The following ATRNL1 variants were observed in gnomAD, a reference collection of about 807,000 sequenced individuals.
ATRNL1 encodes the protein attractin like 1.
Under a neutral mutation model 182.7 loss-of-function variants are expected in ATRNL1, and 95 were observed. That is an observed-to-expected ratio of 0.52 (90% CI 0.44 to 0.62). The LOEUF (loss-of-function observed/expected upper bound fraction) is 0.62. Among genes scored for constraint, ATRNL1 ranks in the 20% least tolerant of loss-of-function variants. ATRNL1 has a pLI of 0.00. For synonymous variants in ATRNL1, 576 were observed against 568.3 expected (o/e 1.01, Z -0.19); for missense variants, 1,471 against 1,679.5 (o/e 0.88, Z 2.17).
chr10:115,826,317 G>A (rs2134297518), intron 27 of ATRNL1, among the ~76,000 whole-genome samples: 1 of 152,284 alleles, frequency 6.6e-6, no homozygotes, highest in Middle Eastern at 3.4e-3. Context: ...GTGGTACCCA[G>A]TGGCTTCCCT....
chr10:115,470,927 A>G (rs1324538331), intron 24 of ATRNL1, among the ~76,000 whole-genome samples: 1 of 150,742 alleles, frequency 6.6e-6, no homozygotes, highest in African/African-American at 2.4e-5. Flanking sequence ...ATAATATTAT[A>G]CAAAACACAG....
intron 25 of ATRNL1, among the ~76,000 whole-genome samples, chr10:115,523,609 GAC>G (rs1387823253): frequency 6.6e-6 from 1 of 152,160 alleles, no homozygotes; most frequent in African/African-American, 2.4e-5. Context: ...GCTTGTCATG[GAC>G]ACAATGTAGC....
At chr10:115,220,360 G>GT (rs1329819075) in intron 9 of ATRNL1, 1 of 152,072 alleles carries the variant, frequency 6.6e-6, no homozygotes, top group African/African-American at 2.4e-5. Context: ...CCAAAGGCTT[G>GT]TTTTTTAATG....
chr10:115,918,891 G>A (rs915640596), intron 28 of ATRNL1, among the ~76,000 whole-genome samples: 7 of 152,208 alleles, frequency 4.6e-5, no homozygotes, highest in African/African-American at 1.7e-4. Context: ...CTGATCTGCA[G>A]TGGGAATCTG....
rs540131413 is a variant in ATRNL1 at position 115,816,728 on chromosome 10, A to G, written c.3904-31149A>G. Among the ~76,000 whole-genome samples the G allele has an allele frequency of 2.6e-5, 4 of 152,144 alleles. No homozygotes were observed. The East Asian group carries it at 5.8e-4, about 22-fold the overall frequency. Reference sequence around the variant, plus strand: ...TCCTATTTTTTAGCAGAACCACCTTATAAGATGTTAAGGTGTTTCTTCACG... The same window carrying G: ...TCCTATTTTTTAGCAGAACCACCTTGTAAGATGTTAAGGTGTTTCTTCACG... On this transcript the variant is annotated intron_variant, in intron 27 of 28. Transcript: ENST00000355044.
At chr10:115,616,691 A>C (rs1857444832) in intron 26 of ATRNL1, among the ~76,000 whole-genome samples, 1 of 152,196 alleles carries the variant, frequency 6.6e-6, no homozygotes, top group African/African-American at 2.4e-5. Flanking sequence ...CCAAGGCCAA[A>C]AGGACCGAGG....
intron 8 of ATRNL1, among the ~76,000 whole-genome samples, chr10:115,206,432 TTTAA>T: frequency 3.3e-5 from 5 of 152,242 alleles, no homozygotes; most frequent in Admixed American, 3.3e-4. Context: ...ACATTCTACC[TTTAA>T]TTATGTTATA....
intron 19 of ATRNL1, among the ~76,000 whole-genome samples, chr10:115,365,288 A>G (rs1165932295): frequency 6.6e-6 from 1 of 151,718 alleles, no homozygotes; most frequent in Non-Finnish European, 1.5e-5. Context: ...TTTCTTCTAG[A>G]TTTTCTAGTT....
chr10:115,372,987 T>G (rs537266668), intron 19 of ATRNL1, among the ~76,000 whole-genome samples: 1 of 152,170 alleles, frequency 6.6e-6, no homozygotes, highest in Non-Finnish European at 1.5e-5. Context: ...AAATGAATTC[T>G]TTTAGTCCAT....
intron 28 of ATRNL1, among the ~76,000 whole-genome samples, chr10:115,850,980 C>T (rs1163447629): frequency 6.6e-6 from 1 of 152,140 alleles, no homozygotes; most frequent in East Asian, 1.9e-4. Flanking sequence ...CTATTTATTT[C>T]TCCAAATGTT....
At chr10:115,524,232 A>G (rs546697390) in intron 25 of ATRNL1, among the ~76,000 whole-genome samples, 28 of 152,300 alleles carry the variant, frequency 1.8e-4, no homozygotes, top group African/African-American at 6.3e-4. Context: ...CACCTCTAAC[A>G]TTGAGTATCA....
intron 26 of ATRNL1, among the ~76,000 whole-genome samples, chr10:115,707,263 ATTC>A (rs1361736720): frequency 3.3e-5 from 5 of 151,924 alleles, no homozygotes; most frequent in African/African-American, 9.6e-5. Context: ...AACAGCTAAT[ATTC>A]TTCTTCTTTC....
At chr10:115,335,377 A>G (rs948524778) in intron 19 of ATRNL1, among the ~76,000 whole-genome samples, 1 of 152,178 alleles carries the variant, frequency 6.6e-6, no homozygotes, top group Non-Finnish European at 1.5e-5. Flanking sequence ...CACTAGCTGC[A>G]TATTAGAACC....
At chr10:115,258,787 C>T (rs1851269656) in intron 10 of ATRNL1, among the ~76,000 whole-genome samples, 1 of 152,160 alleles carries the variant, frequency 6.6e-6, no homozygotes. Flanking sequence ...TGGTGACCTA[C>T]AGATGGGGTT....
At chr10:115,412,910 C>A (rs1279431722) in intron 20 of ATRNL1, among the ~76,000 whole-genome samples, 2 of 152,006 alleles carry the variant, frequency 1.3e-5, no homozygotes, top group Non-Finnish European at 2.9e-5. Flanking sequence ...ATAGTTAGAT[C>A]CTCCATTCTG....
intron 21 of ATRNL1, 92 bp from the exon 22 acceptor site, chr10:115,461,849 A>T (rs943590465): frequency 1.5e-5 from 8 of 541,586 alleles, no homozygotes; most frequent in Non-Finnish European, 2.5e-5. Context: ...ATCATTTTTA[A>T]TATCAGTGTA....
At chr10:115,311,415 C>G (rs1401098126) in intron 17 of ATRNL1, among the ~76,000 whole-genome samples, 1 of 152,122 alleles carries the variant, frequency 6.6e-6, no homozygotes, top group East Asian at 1.9e-4. Context: ...TCTCAAACTC[C>G]TGACCTCATG....
At chr10:115,226,647 C>T (rs1355495021) in intron 9 of ATRNL1, among the ~76,000 whole-genome samples, 1 of 151,816 alleles carries the variant, frequency 6.6e-6, no homozygotes, top group East Asian at 1.9e-4. Flanking sequence ...AAGAACAAAG[C>T]TGGAGGTATC....
At chr10:115,134,340 A>T (rs188671674) in intron 5 of ATRNL1, among the ~76,000 whole-genome samples, 1 of 152,210 alleles carries the variant, frequency 6.6e-6, no homozygotes, top group Non-Finnish European at 1.5e-5. Flanking sequence ...TGCAATAAAA[A>T]ATGATAAAGG....
Sources: gnomAD v4.1 joint callset for allele counts (sites outside exome capture counted in the v4.1 genomes callset) on GRCh38, gnomAD v4.1.1 for gene constraint, MANE v1.5 for transcripts, NCBI Gene and HGNC (gene_info 2026-07-23, HGNC 2026-07-21) for gene names.